Variants in KIF17 observed in about 807,000 individuals in gnomAD.
KIF17 encodes kinesin family member 17.
In KIF17, 80 loss-of-function variants were observed where a neutral mutation model predicts 96.8. That is an observed-to-expected ratio of 0.83 (90% confidence interval 0.69 to 1.00). KIF17 has a LOEUF of 1.00. KIF17 is among the 50% of genes least tolerant of loss of function. KIF17 has a pLI of 0.00. For synonymous variants in KIF17, 567 were observed against 587.5 expected, an observed-to-expected ratio of 0.97 and a Z score of 0.51; for missense variants, 1,280 against 1,372.9, an observed-to-expected ratio of 0.93 and a Z score of 1.07.
chr1:20,664,828 G>A, intron 14 of KIF17, 66 bp from the exon 15 acceptor site: 1 of 1,476,548 alleles, frequency 6.8e-7, no homozygotes, highest in South Asian at 1.2e-5. Flanking sequence ...AATGCCCCAA[G>A]TGGGTAGGAT....
rs1209418679 is a variant in KIF17, at chr1:20,709,736, A to G, written c.573T>C (p.Thr191=). 3 of 1,614,176 alleles carry G rather than the reference A, an allele frequency of 1.9e-6. No individual in the cohort carries two copies. Among genetic ancestry groups the G allele is most frequent in the East Asian group, 2.2e-5 (1 of 44,884 alleles). ...SVAQCEHIME[T]GWKNRSVGYT... The stretch of plus-strand genomic sequence containing the variant: ...AGCCGACCGAACGGTTCTTCCAGCC[A>G]GTCTCCATGATGTGCTCACACTGGG... The change falls in exon 4 of 15, where the codon ACT becomes ACC. Residue 191 remains threonine (T), a synonymous_variant. Transcript: ENST00000400463. This position sits in a 1 kb window ranked among gnomAD's most constrained non-coding sequence, Gnocchi z 4.7.
At chr1:20,674,878 G>A (rs1327116779) in intron 11 of KIF17, among the ~76,000 whole-genome samples, 1 of 151,976 alleles carries the variant, frequency 6.6e-6, no homozygotes, top group Admixed American at 6.6e-5. Flanking sequence ...GGCTGGGCGT[G>A]GTGTCTCACT....
chr1:20,717,668 A>G lies in KIF17; in HGVS notation c.39T>C (p.Arg13=), dbSNP rs601329. ...SEAVKVVVRC[R]PMNQRERELR... is the part of the protein sequence containing the mutation. ...GCTCTCGCTCCCGCTGGTTCATGGG[A>G]CGGCAGCGCACGACAACCTTCACCG... The change falls in exon 1 of 15, where the codon CGT becomes CGC. Residue 13 remains arginine, a synonymous_variant. Coordinates refer to ENST00000400463, the MANE Select transcript of KIF17 (RefSeq NM_001122819.3). The G allele has an allele frequency of 0.7, 1,128,083 of 1,601,672 alleles. 399,342 individuals carry two copies. Among genetic ancestry groups the G allele is most frequent in the East Asian group, 0.87 (38,849 of 44,692 alleles).
intron 11 of KIF17, among the ~76,000 whole-genome samples, chr1:20,676,867 CA>C (rs1272369654): frequency 1.3e-5 from 2 of 151,926 alleles, no homozygotes; most frequent in African/African-American, 4.8e-5. Flanking sequence ...ACAACAACAA[CA>C]AAAAACTACA....
rs139858579 is a variant in KIF17 at position 20,687,571 on chromosome 1, G to A, written c.1755C>T (p.Ala585=). The part of the protein sequence containing the change: ...YFLDECLGQE[A]AGHLLGEQNY... ...TCTGTTCCCCCAGCAGGTGCCCAGC[G>A]GCCTCCTGCCCGAGGCACTCATCCA... Residue 585 remains alanine (A), a synonymous_variant, in exon 8 of 15, where the codon GCC becomes GCT. Transcript: ENST00000400463. The surrounding 1 kb of genome is among the most constrained non-coding windows in gnomAD (Gnocchi z 4.4). The A allele has an allele frequency of 4.9e-5, 79 of 1,613,770 alleles. No homozygotes were observed. Among genetic ancestry groups the A allele is most frequent in the Non-Finnish European group, 6.2e-5 (73 of 1,179,908 alleles).
At chr1:20,679,382 A>C (rs1214935143) in intron 11 of KIF17, among the ~76,000 whole-genome samples, 1 of 152,218 alleles carries the variant, frequency 6.6e-6, no homozygotes, top group Non-Finnish European at 1.5e-5. Context: ...CAGGAGGCTG[A>C]GGCAGGAGGA....
chr1:20,711,690 G>A (rs962014306), intron 3 of KIF17, among the ~76,000 whole-genome samples: 2 of 152,124 alleles, frequency 1.3e-5, no homozygotes, highest in Admixed American at 1.3e-4. Context: ...CTAGGGGGAG[G>A]GGATAGAACT....
chr1:20,692,341 C>CT (rs542078632), intron 6 of KIF17, among the ~76,000 whole-genome samples: 60 of 147,802 alleles, frequency 4.1e-4, no homozygotes, highest in Admixed American at 4.0e-4. Context: ...TCCTCTATTG[C>CT]TTTTTTTTTT....
downstream of KIF17, among the ~76,000 whole-genome samples, chr1:20,662,018 T>C (rs2053443465): frequency 6.6e-6 from 1 of 152,240 alleles, no homozygotes; most frequent in Non-Finnish European, 1.5e-5. Context: ...CATTTCCAAG[T>C]TGCATCTCTC....
At chr1:20,662,681 C>T (rs977779178), downstream of KIF17, among the ~76,000 whole-genome samples, 2 of 152,320 alleles carry the variant, frequency 1.3e-5, no homozygotes, top group East Asian at 3.9e-4. Context: ...GCTCTTTGCT[C>T]TCAGGTCTCC....
chr1:20,698,417 G>C lies in KIF17; in HGVS notation c.1195C>G (p.Gln399Glu). Residue 399 changes from glutamine to glutamate, a missense_variant, in exon 6 of 15, where the codon CAG (glutamine) becomes GAG (glutamate). Coordinates refer to ENST00000400463, the MANE Select transcript of KIF17 (RefSeq NM_001122819.3). The part of the protein sequence containing the change: ...EEKLLPQPVI[Q>E]HDVEAEKQLI... ...TGCTTCTCGGCCTCCACGTCATGCT[G>C]GATCACAGGTTGGGGCAACAGCTTC... 1 of 1,613,864 alleles carries C rather than the reference G, an allele frequency of 6.2e-7. No homozygotes were observed. Among genetic ancestry groups the C allele is most frequent in the South Asian group, 1.1e-5 (1 of 91,078 alleles).
At chr1:20,681,157 C>T (rs1047246080) in intron 11 of KIF17, among the ~76,000 whole-genome samples, 3 of 142,548 alleles carry the variant, frequency 2.1e-5, no homozygotes, top group African/African-American at 5.1e-5. Context: ...AAATAAAAAA[C>T]TAAAGAGGTT....
chr1:20,682,587 G>T, intron 11 of KIF17, 66 bp downstream of exon 11: 1 of 1,363,554 alleles, frequency 7.3e-7, no homozygotes, highest in Non-Finnish European at 1.0e-6. Context: ...GTGTAGGGAT[G>T]CCTGGATCGG....
chr1:20,713,346 T>A, intron 3 of KIF17, 108 bp downstream of exon 3: 3 of 718,018 alleles, frequency 4.2e-6, no homozygotes, highest in South Asian at 1.7e-5. Flanking sequence ...GACTCTAGCC[T>A]CCCAGTGCCG....
At chr1:20,716,083 C>T (rs1042847766) in intron 1 of KIF17, among the ~76,000 whole-genome samples, 1 of 152,104 alleles carries the variant, frequency 6.6e-6, no homozygotes, top group Non-Finnish European at 1.5e-5. Context: ...CCTGTCTCTA[C>T]TAAAAATACG....
intron 13 of KIF17, among the ~76,000 whole-genome samples, chr1:20,669,564 TAAATA>T (rs1553149017): frequency 8.0e-6 from 1 of 124,490 alleles, no homozygotes; most frequent in African/African-American, 3.1e-5. Context: ...ATAATAATAA[TAAATA>T]AAATAAAATA....
chr1:20,715,695 G>C (rs540419070), intron 1 of KIF17, 56 bp from the exon 2 acceptor site: 2 of 1,605,222 alleles, frequency 1.2e-6, no homozygotes, highest in Admixed American at 1.7e-5. Flanking sequence ...AGCAGGGCTC[G>C]GGACAGGGCT....
intron 6 of KIF17, among the ~76,000 whole-genome samples, chr1:20,694,640 G>A (rs534641552): frequency 3.1e-4 from 47 of 152,356 alleles, no homozygotes; most frequent in Non-Finnish European, 6.0e-4. Flanking sequence ...AACTGGCATG[G>A]ACAGCACTGA....
chr1:20,664,147 T>G lies in KIF17; in HGVS notation c.*437A>C. Reference sequence around the variant, plus strand: ...CCACCCCATGGGGCAGGGCAGTGCTTAGGAAGTGGGGCCAGTCAGACAGAG... The same window carrying G: ...CCACCCCATGGGGCAGGGCAGTGCTGAGGAAGTGGGGCCAGTCAGACAGAG... On this transcript the variant is annotated 3_prime_UTR_variant, in exon 15 of 15. Transcript: ENST00000400463. 1 of 302,908 alleles carries G rather than the reference T, an allele frequency of 3.3e-6. No homozygotes were observed. Among genetic ancestry groups the G allele is most frequent in the Non-Finnish European group, 6.3e-6 (1 of 158,232 alleles). 18.8% of individuals were successfully genotyped at this position (302,908 alleles called of 1,614,324 possible).
Sources: gnomAD v4.1 joint callset for allele counts (sites outside exome capture counted in the v4.1 genomes callset) on GRCh38, gnomAD v4.1.1 for gene constraint, Gnocchi (gnomAD v3.1) non-coding constraint, MANE v1.5 for transcripts, NCBI Gene and HGNC (gene_info 2026-07-23, HGNC 2026-07-21) for gene names.